SH3BP2: variants seen among roughly 807,000 people sequenced by gnomAD.
SH3BP2 encodes SH3 domain binding protein 2, also known as SH3 domain-binding protein 2.
SH3BP2 carries 38 observed loss-of-function variants against 56.2 expected under a neutral mutation model. The observed-to-expected ratio is 0.68, with a 90% CI of 0.52 to 0.89. The LOEUF (loss-of-function observed/expected upper bound fraction) is 0.89, where lower values mean the gene tolerates loss of function less well. SH3BP2 is among the 40% of genes least tolerant of loss of function. The pLI, the probability that SH3BP2 is intolerant of heterozygous loss-of-function variation, is 0.00. For synonymous variants in SH3BP2, 346 were observed against 316.7 expected (o/e 1.09, Z -0.98); for missense variants, 748 against 762.6 (o/e 0.98, Z 0.23).
intron 1 of SH3BP2, chr4:2,812,581 G>A (rs1162827238): frequency 2.1e-6 from 3 of 1,416,106 alleles, no homozygotes; most frequent in East Asian, 2.5e-5. Context: ...CTTCCTCGGG[G>A]CTGGCCGTGG....
intron 1 of SH3BP2, among the ~76,000 whole-genome samples, chr4:2,803,535 G>C (rs1209125304): frequency 6.6e-6 from 1 of 152,164 alleles, no homozygotes; most frequent in Non-Finnish European, 1.5e-5. Flanking sequence ...GAAGTGACTT[G>C]CCCCTAGTCT....
rs753445987 is a variant in SH3BP2 at position 2,829,677 on chromosome 4, C to G, written c.771C>G (p.Asp257Glu). 5.6e-6 allele frequency: 9 copies of G among 1,612,918 alleles called. No homozygotes were observed. The highest frequency in any genetic ancestry group is 1.7e-5 in the Admixed American group (1 of 59,984). Residue 257 changes from aspartate (D) to glutamate (E), a missense_variant, in exon 8 of 13, where the codon GAC becomes GAG. Physicochemically the swap from Asp to Glu is conservative, Grantham distance 45. Transcript: ENST00000503393. This position sits in a 1 kb window ranked among gnomAD's most constrained non-coding sequence, Gnocchi z 4.9. ...VGLAAEDSKR[D>E]PLCPRRAEPC... is the part of the protein sequence containing the mutation. ...TGGCTGCTGAGGACTCCAAGAGGGA[C>G]CCACTGTGCCCGAGGCGGGCTGAGC...
At chr4:2,812,583 T>C (rs1672066699) in intron 1 of SH3BP2, 1 of 1,398,148 alleles carries the variant, frequency 7.2e-7, no homozygotes, top group Non-Finnish European at 9.6e-7. Context: ...TCCTCGGGGC[T>C]GGCCGTGGGA....
intron 7 of SH3BP2, 69 bp downstream of exon 7, chr4:2,827,743 G>T (rs1236149918): frequency 4.4e-6 from 6 of 1,358,718 alleles, no homozygotes; most frequent in East Asian, 5.0e-5. Flanking sequence ...CGGGAGCAGA[G>T]CCCCTCCGAG....
At chr4:2,806,786 C>A (rs1302142997) in intron 1 of SH3BP2, among the ~76,000 whole-genome samples, 1 of 152,236 alleles carries the variant, frequency 6.6e-6, no homozygotes, top group Non-Finnish European at 1.5e-5. Flanking sequence ...ATCTCAAGAA[C>A]CTTTCCTGGG....
At chr4:2,802,485 T>C (rs1338574515) in intron 1 of SH3BP2, among the ~76,000 whole-genome samples, 1 of 150,472 alleles carries the variant, frequency 6.6e-6, no homozygotes, top group East Asian at 1.9e-4. Context: ...TGTATATATA[T>C]GTGTATATGT....
chr4:2,816,021 C>T (rs1278453349), intron 1 of SH3BP2, among the ~76,000 whole-genome samples: 4 of 152,034 alleles, frequency 2.6e-5, no homozygotes, highest in African/African-American at 9.7e-5. Context: ...GTATGTTGAT[C>T]TTATATCCTG....
At chr4:2,812,337 C>G in intron 1 of SH3BP2, 1 of 1,549,862 alleles carries the variant, frequency 6.5e-7, no homozygotes. Context: ...GGCAGCCAGG[C>G]GCGTCAGGCC....
Position 2,839,551 on chromosome 4 carries a change from G to A in SH3BP2, c.*5717G>A, listed in dbSNP as rs140563136. 1.3e-5 allele frequency: 2 copies of A among 151,844 alleles called. No individual in the cohort carries two copies. Among genetic ancestry groups the A allele is most frequent in the East Asian group, 3.9e-4 (2 of 5,138 alleles). The allele number at this position is 151,844 out of a possible 1,614,324, so 9.4% of individuals were successfully genotyped here. A position where few individuals can be genotyped will look rare whatever the true frequency, so the allele number is the denominator to read the frequency against. On this transcript the variant is annotated 3_prime_UTR_variant, in exon 13 of 13. Transcript: ENST00000503393. ...TATCTTCTCTAACTCTGGCTTGACT[G>A]TTTATGGTGTCCTTTTTTTTTGGGG...
chr4:2,837,545 TAGAA>T lies in SH3BP2; in HGVS notation c.*3714_*3717del, dbSNP rs998262033. ...GGCAGGGCTTATTGGGGCCATTTCA[TAGAA>T]AGGCAGATTGAAGCTCAGCAGGGAA... On this transcript the variant is annotated 3_prime_UTR_variant, in exon 13 of 13. Transcript: ENST00000503393. The T allele has an allele frequency of 3.3e-5, 5 of 152,206 alleles. No individual in the cohort carries two copies. Among genetic ancestry groups the T allele is most frequent in the Non-Finnish European group, 5.9e-5 (4 of 68,136 alleles). 9.4% of individuals were successfully genotyped at this position (152,206 alleles called of 1,614,324 possible).
rs1373739775 is a variant in SH3BP2 at position 2,834,647 on chromosome 4, T to G, written c.*813T>G. On this transcript the variant is annotated 3_prime_UTR_variant, in exon 13 of 13. Coordinates refer to ENST00000503393, the MANE Select transcript of SH3BP2 (RefSeq NM_001122681.2). ...TGAGTGGCTGTCCCCGTTCCAGAAC[T>G]TGCATACACTGAGCGGGCTACAGAG... The G allele has an allele frequency of 1.3e-5, 2 of 152,170 alleles. No individual in the cohort carries two copies. The highest frequency in any genetic ancestry group is 2.9e-5 in the Non-Finnish European group (2 of 68,048). The allele number at this position is 152,170 out of a possible 1,614,324, so 9.4% of individuals were successfully genotyped here.
intron 1 of SH3BP2, among the ~76,000 whole-genome samples, chr4:2,816,181 A>G (rs1261285582): frequency 6.6e-6 from 1 of 151,876 alleles, no homozygotes; most frequent in African/African-American, 2.4e-5. Context: ...CAGCCTCCCA[A>G]ATAGCTGGGA....
intron 1 of SH3BP2, among the ~76,000 whole-genome samples, chr4:2,796,058 A>T (rs1723051053): frequency 6.6e-6 from 1 of 152,082 alleles, no homozygotes; most frequent in South Asian, 2.1e-4. Flanking sequence ...GGTAGACAGG[A>T]TGGTGCCAAG....
chr4:2,796,358 T>C, intron 1 of SH3BP2: 1 of 970,702 alleles, frequency 1.0e-6, no homozygotes, highest in Non-Finnish European at 1.2e-6. Context: ...CCCCCAACCT[T>C]CTCTCTTCTC....
intron 1 of SH3BP2, among the ~76,000 whole-genome samples, chr4:2,820,052 G>A (rs1377544669): frequency 6.6e-6 from 1 of 152,192 alleles, no homozygotes; most frequent in African/African-American, 2.4e-5. Context: ...GCTGACAACA[G>A]TGTGCTGTGT....
At chr4:2,833,414 C>T (rs908194302) in intron 12 of SH3BP2, 5 of 582,140 alleles carry the variant, frequency 8.6e-6, no homozygotes, top group South Asian at 2.0e-5. Context: ...GCTGGGATTA[C>T]AGGCGTGGGC....
chr4:2,823,076 A>C, intron 3 of SH3BP2, 39 bp downstream of exon 3: 1 of 1,432,958 alleles, frequency 7.0e-7, no homozygotes, highest in Non-Finnish European at 9.8e-7. Flanking sequence ...GGGCCCCCAC[A>C]GCCAGCGGGT....
chr4:2,805,203 C>G (rs1723482098), intron 1 of SH3BP2, among the ~76,000 whole-genome samples: 1 of 152,226 alleles, frequency 6.6e-6, no homozygotes, highest in Non-Finnish European at 1.5e-5. Flanking sequence ...AAGCACACCC[C>G]CTGGGCCCGG....
chr4:2,812,729 C>A (rs1377249675), intron 1 of SH3BP2, among the ~76,000 whole-genome samples: 1 of 137,418 alleles, frequency 7.3e-6, no homozygotes, highest in Non-Finnish European at 1.7e-5. Flanking sequence ...AGAACCCCCC[C>A]CACCCCCCCA....
Sources: allele counts gnomAD v4.1 joint callset (sites outside exome capture counted in the v4.1 genomes callset), GRCh38; gene constraint gnomAD v4.1.1; non-coding constraint Gnocchi (gnomAD v3.1); transcripts MANE v1.5; gene names NCBI Gene and HGNC (gene_info 2026-07-23, HGNC 2026-07-21).